The following PCDHA9 variants were observed in gnomAD, a reference collection of about 807,000 sequenced individuals.
The protein encoded by PCDHA9 is protocadherin alpha-9.
PCDHA9 carries 62 observed loss-of-function variants against 62.0 expected under a neutral mutation model. The ratio of observed to expected loss-of-function variants is 1.00; its 90% confidence interval spans 0.81 to 1.23. PCDHA9 has a LOEUF of 1.23. Among genes scored for constraint, PCDHA9 ranks in the 50% most tolerant of loss-of-function variants. The pLI, the probability that PCDHA9 is intolerant of heterozygous loss-of-function variation, is 0.00. For synonymous variants in PCDHA9, 557 were observed against 567.6 expected (o/e 0.98, Z 0.27); for missense variants, 1,205 against 1,249.8 (o/e 0.96, Z 0.54).
At chr5:140,920,249 G>A (rs782292641) in intron 1 of PCDHA9, among the ~76,000 whole-genome samples, 15 of 152,174 alleles carry the variant, frequency 9.9e-5, no homozygotes, top group Admixed American at 3.3e-4. Context: ...ACAATACATC[G>A]CTATAATAAT....
At chr5:140,891,285 G>T (rs1402021884) in intron 1 of PCDHA9, among the ~76,000 whole-genome samples, 1 of 152,102 alleles carries the variant, frequency 6.6e-6, no homozygotes, top group South Asian at 2.1e-4. Flanking sequence ...GTTATTGGGG[G>T]TACAGGTGGT....
intron 1 of PCDHA9, among the ~76,000 whole-genome samples, chr5:140,885,158 T>C (rs1250241606): frequency 6.6e-6 from 1 of 152,198 alleles, no homozygotes; most frequent in African/African-American, 2.4e-5. Flanking sequence ...TGATTGTCTC[T>C]ACTTTTTTGT....
At position 140,892,846 on chromosome 5, in the gene PCDHA9, A is replaced by G. The variant is rs1301960107; in HGVS notation, c.2394+41957A>G. Among the ~76,000 whole-genome samples, 3 of 152,112 alleles carry G rather than the reference A, an allele frequency of 2.0e-5. No homozygotes were observed. In the East Asian group the frequency reaches 5.8e-4, roughly 29 times the overall value. On this transcript the variant is annotated intron_variant, in intron 1 of 3. Transcript: ENST00000532602. ...TGCTACAGTGCTGCAAAACACCACA[A>G]CCCATTCCTCCTGTGTAGCTATAAT...
At chr5:141,001,971 G>C (rs1240624295) in intron 3 of PCDHA9, among the ~76,000 whole-genome samples, 2 of 152,186 alleles carry the variant, frequency 1.3e-5, no homozygotes, top group Admixed American at 1.3e-4. Flanking sequence ...GGGTGTCTCT[G>C]CGCGGAAAGC....
chr5:140,869,883 T>G, intron 1 of PCDHA9: 1 of 1,610,444 alleles, frequency 6.2e-7, no homozygotes, highest in Admixed American at 1.7e-5. Context: ...AAGAAACTCT[T>G]GTGCTCAAAC....
intron 3 of PCDHA9, among the ~76,000 whole-genome samples, chr5:140,996,976 G>A (rs573896136): frequency 2.6e-5 from 4 of 152,078 alleles, no homozygotes; most frequent in East Asian, 3.9e-4. Flanking sequence ...CTCCCCTTTG[G>A]TGAAGCAACC....
intron 1 of PCDHA9, among the ~76,000 whole-genome samples, chr5:140,937,039 CTTTT>C (rs34994034): frequency 1.4e-5 from 2 of 140,156 alleles, no homozygotes; most frequent in African/African-American, 2.6e-5. Flanking sequence ...TTCCATTTAT[CTTTT>C]TTTTTTTTTT....
At chr5:140,858,594 G>A (rs1554151838) in intron 1 of PCDHA9, 5 of 1,317,532 alleles carry the variant, frequency 3.8e-6, no homozygotes, top group Admixed American at 2.6e-5. Context: ...TTTATTCCAG[G>A]AGTTTTAAAA....
intron 3 of PCDHA9, among the ~76,000 whole-genome samples, chr5:140,991,068 T>A (rs1563570560): frequency 6.6e-6 from 1 of 152,216 alleles, no homozygotes; most frequent in Admixed American, 6.5e-5. Flanking sequence ...ATTATTCCCA[T>A]GTTTCAGATA....
chr5:140,877,702 G>T, intron 1 of PCDHA9: 2 of 1,613,996 alleles, frequency 1.2e-6, no homozygotes, highest in Admixed American at 3.3e-5. Context: ...GTGCTCCAGC[G>T]CCGTGGGGAG....
In PCDHA9 at chr5:140,924,786, T is replaced by G. The variant is rs2082007959; in HGVS notation, c.2395-54163T>G. Reference sequence around the variant, plus strand: ...GGTGCGCGCTTGTAGTCCTAGCTACTTAGGAGGCTGAGGCAAGAGAATCGC... The same window carrying G: ...GGTGCGCGCTTGTAGTCCTAGCTACGTAGGAGGCTGAGGCAAGAGAATCGC... On this transcript the variant is annotated intron_variant, in intron 1 of 3. Coordinates refer to ENST00000532602, the MANE Select transcript of PCDHA9 (RefSeq NM_031857.2). Among the ~76,000 whole-genome samples the G allele has an allele frequency of 4.6e-5, 7 of 151,720 alleles. No homozygotes were observed. In the South Asian group the frequency reaches 1.2e-3, roughly 27 times the overall value.
chr5:140,850,107 C>A lies in PCDHA9; in HGVS notation c.1612C>A (p.Arg538Ser), dbSNP rs2150467518. ...GCTGCTACAGTTCCAGGTGAGCGCG[C>A]GCGACGCGGGCGTGCCGCCTCTGGG... ...LELLQFQVSA[R>S]DAGVPPLGSN... The change falls in exon 1 of 4, where the codon CGC becomes AGC. Residue 538 changes from arginine (R) to serine (S), a missense_variant. Coordinates refer to ENST00000532602, the MANE Select transcript of PCDHA9 (RefSeq NM_031857.2). 6.9e-6 allele frequency: 11 copies of A among 1,596,052 alleles called. 2 individuals carry two copies. In the Admixed American group the frequency reaches 1.0e-4, roughly 15 times the overall value.
rs1234453098 is a variant in PCDHA9, at chr5:141,010,058, C to A, written c.*121C>A. 2 of 1,600,982 alleles carry A rather than the reference C, an allele frequency of 1.2e-6. No homozygotes were observed. The highest frequency in any genetic ancestry group is 1.7e-6 in the Non-Finnish European group (2 of 1,173,736). Reference sequence around the variant, plus strand: ...GAGCCCTCTTAGAGACCTCAGAAATCTGCAGAAAGTTCCCTGTGTCTGTCT... The same window carrying A: ...GAGCCCTCTTAGAGACCTCAGAAATATGCAGAAAGTTCCCTGTGTCTGTCT... On this transcript the variant is annotated 3_prime_UTR_variant, in exon 4 of 4. Transcript: ENST00000532602.
At position 140,929,318 on chromosome 5, in the gene PCDHA9, A is replaced by G. The variant is rs78197291; in HGVS notation, c.2395-49631A>G. The G allele has an allele frequency of 3.9e-4, 606 of 1,545,240 alleles. 3 individuals carry two copies. The African/African-American group carries it at 7.7e-3, about 20-fold the overall frequency. ...AGGAAAGGGGATCACGCTAATGTCA[A>G]TGCCATGGTAAGCAAATTTTATGGA... On this transcript the variant is annotated intron_variant, in intron 1 of 3. Coordinates refer to ENST00000532602, the MANE Select transcript of PCDHA9 (RefSeq NM_031857.2).
chr5:140,950,605 A>T (rs1199751655), intron 1 of PCDHA9, among the ~76,000 whole-genome samples: 1 of 151,926 alleles, frequency 6.6e-6, no homozygotes, highest in Non-Finnish European at 1.5e-5. Flanking sequence ...TTTGACTATG[A>T]TGTGCTTATT....
chr5:140,885,160 CTTTT>C (rs370486132), intron 1 of PCDHA9, among the ~76,000 whole-genome samples: 314 of 152,080 alleles, frequency 2.1e-3, no homozygotes, highest in African/African-American at 7.4e-3. Context: ...ATTGTCTCTA[CTTTT>C]TTGTCCTCTA....
chr5:140,959,038 A>ATG (rs1387162159), intron 1 of PCDHA9, among the ~76,000 whole-genome samples: 2 of 151,994 alleles, frequency 1.3e-5, no homozygotes, highest in Non-Finnish European at 2.9e-5. Flanking sequence ...ATGGGTATGT[A>ATG]TGTATAGGAA....
At chr5:140,883,892 G>T in intron 1 of PCDHA9, 3 of 1,613,362 alleles carry the variant, frequency 1.9e-6, no homozygotes, top group Non-Finnish European at 1.7e-6. Context: ...CGACTCTGGC[G>T]TGCCGCCTCT....
chr5:140,968,492 G>A (rs2096250539), intron 1 of PCDHA9: 2 of 1,614,074 alleles, frequency 1.2e-6, no homozygotes, highest in African/African-American at 1.3e-5. Flanking sequence ...GAATGACCAT[G>A]CCCCTCACAT....
Sources: gnomAD v4.1 joint callset for allele counts (sites outside exome capture counted in the v4.1 genomes callset) on GRCh38, gnomAD v4.1.1 for gene constraint, MANE v1.5 for transcripts, NCBI Gene and HGNC (gene_info 2026-07-23, HGNC 2026-07-21) for gene names.